Variants in SMARCA4 observed in about 807,000 individuals in gnomAD.
SMARCA4 encodes the protein SWI/SNF-related matrix-associated actin-dependent regulator of chromatin subfamily A member 4.
A neutral mutation model predicts 193.9 loss-of-function variants in SMARCA4; 31 were observed. The ratio of observed to expected loss-of-function variants is 0.16; its 90% CI spans 0.12 to 0.22. The LOEUF is 0.22. SMARCA4 is among the 10% of genes least tolerant of loss of function. The probability of loss-of-function intolerance (pLI) is 1.00; values close to 1 mark genes in which losing one functional copy is unlikely to be tolerated. For synonymous variants in SMARCA4, 942 were observed against 933.1 expected (o/e 1.01, Z -0.17); for missense variants, 1,148 against 2,296.0 (o/e 0.50, Z 10.22).
intron 1 of SMARCA4, among the ~76,000 whole-genome samples, chr19:10,982,430 C>G (rs565467185): frequency 6.6e-6 from 1 of 151,922 alleles, no homozygotes; most frequent in African/African-American, 2.4e-5. Context: ...GCCAAGATCA[C>G]GCCATTGCAC....
intron 8 of SMARCA4, among the ~76,000 whole-genome samples, chr19:10,993,100 C>T (rs540074088): frequency 6.6e-6 from 1 of 151,492 alleles, no homozygotes; most frequent in South Asian, 2.1e-4. Flanking sequence ...ATTCTCCTGC[C>T]TTAGCCACCT....
chr19:11,021,328 AC>A (rs2089848418), intron 18 of SMARCA4: 2 of 361,236 alleles, frequency 5.5e-6, no homozygotes, highest in Non-Finnish European at 1.1e-5. Flanking sequence ...ACCGTCACCA[AC>A]CCAGTTCCCC....
chr19:10,982,720 G>A (rs1476687382), intron 1 of SMARCA4, among the ~76,000 whole-genome samples: 1 of 151,966 alleles, frequency 6.6e-6, no homozygotes, highest in East Asian at 2.0e-4. Flanking sequence ...TACCCAGGAT[G>A]GTCTCGATCT....
In SMARCA4 at chr19:11,033,975, T is replaced by A; in HGVS notation, c.3873+110T>A. On this transcript the variant is annotated intron_variant, in intron 27 of 34. Transcript: ENST00000344626. This position sits in a 1 kb window ranked among gnomAD's most constrained non-coding sequence, Gnocchi z 9.8. ...GCGTGCGTGTGCGTGTGCGTGTGTG[T>A]GCCTTTCGCTGCCGTGTGGGTCCCC... 1 of 752,250 alleles carries A rather than the reference T, an allele frequency of 1.3e-6. No individual in the cohort carries two copies. The highest frequency in any genetic ancestry group is 1.4e-5 in the South Asian group (1 of 72,812). 46.6% of individuals were successfully genotyped at this position (752,250 alleles called of 1,614,324 possible).
chr19:11,034,088 C>A lies in SMARCA4; in HGVS notation c.3874-35C>A. 2 of 1,575,856 alleles carry A rather than the reference C, an allele frequency of 1.3e-6. No individual in the cohort carries two copies. The highest frequency in any genetic ancestry group is 1.7e-6 in the Non-Finnish European group (2 of 1,146,064). On this transcript the variant is annotated intron_variant, in intron 27 of 34. Coordinates refer to ENST00000344626, the MANE Select transcript of SMARCA4 (RefSeq NM_003072.5). The surrounding 1 kb of genome is among the most constrained non-coding windows in gnomAD (Gnocchi z 7.0). ...GCTCGGCCGCCGCCCACCCCGGCCC[C>A]TCCTCAGCGGCACTGACAGTTTGCA... is the stretch of plus-strand genomic sequence containing the variant.
rs202018575 is a variant in SMARCA4, at chr19:11,003,711, A to T, written c.2001+314A>T. Among the ~76,000 whole-genome samples, 1,306 of 135,772 alleles carry T rather than the reference A, an allele frequency of 9.6e-3. 37 individuals are homozygous for T. Among genetic ancestry groups the T allele is most frequent in the Admixed American group, 0.063 (855 of 13,670 alleles). The allele number at this position is 135,772 out of a possible 152,430, so 89.1% of individuals were successfully genotyped here. ...TGGGAATGGTCTGCCTCATTTGCCCATTTTTTTTTTTTTTTTTTGAAACGG... is the reference window on the plus strand; with the variant it reads ...TGGGAATGGTCTGCCTCATTTGCCCTTTTTTTTTTTTTTTTTTTGAAACGG... On this transcript the variant is annotated intron_variant, in intron 13 of 34. Transcript: ENST00000344626.
chr19:11,023,745 C>A, intron 20 of SMARCA4, 114 bp downstream of exon 20: 1 of 734,640 alleles, frequency 1.4e-6, no homozygotes, highest in South Asian at 1.5e-5. Flanking sequence ...CTGGTCAATC[C>A]AGCTTGGGGG....
intron 1 of SMARCA4, chr19:10,983,851 A>G (rs969245820): frequency 3.4e-5 from 18 of 533,406 alleles, no homozygotes; most frequent in South Asian, 4.1e-5. Context: ...GATCAGGAAT[A>G]TGGCAGGAGC....
Position 11,031,834 on chromosome 19 carries a change from C to T in SMARCA4, c.3546+941C>T, listed in dbSNP as rs141156770. Reference sequence around the variant, plus strand: ...TCTGCGCAGCCCTCAGACATGGGGTCGCTCCACCCCAGACATTGTCCTCTT... The same window carrying T: ...TCTGCGCAGCCCTCAGACATGGGGTTGCTCCACCCCAGACATTGTCCTCTT... On this transcript the variant is annotated intron_variant, in intron 25 of 34. Coordinates refer to ENST00000344626, the MANE Select transcript of SMARCA4 (RefSeq NM_003072.5). This position sits in a 1 kb window ranked among gnomAD's most constrained non-coding sequence, Gnocchi z 4.3. 133 of 152,356 alleles carry T rather than the reference C, an allele frequency of 8.7e-4. 1 individual carries two copies. The highest frequency in any genetic ancestry group is 1.6e-3 in the Non-Finnish European group (109 of 68,068). 9.4% of individuals were successfully genotyped at this position (152,356 alleles called of 1,614,324 possible).
At position 10,967,471 on chromosome 19, in the gene SMARCA4, C is replaced by T. The variant is rs547116692; in HGVS notation, c.-32+6297C>T. 1.7e-3 allele frequency among the ~76,000 whole-genome samples: 252 copies of T among 151,414 alleles called. 2 individuals are homozygous for T. The highest frequency in any genetic ancestry group is 5.3e-3 in the African/African-American group (217 of 41,112). The stretch of plus-strand genomic sequence containing the variant: ...GACTACAGGCGCCCGCCACCACGCC[C>T]GGCTAATTTTTTGTATTTTTAGTAG... On this transcript the variant is annotated intron_variant, in intron 1 of 34. Coordinates refer to ENST00000344626, the MANE Select transcript of SMARCA4 (RefSeq NM_003072.5).
intron 11 of SMARCA4, among the ~76,000 whole-genome samples, chr19:11,001,661 A>C (rs964482506): frequency 2.0e-5 from 3 of 152,070 alleles, no homozygotes; most frequent in Non-Finnish European, 4.4e-5. Context: ...GGTTGCTCTT[A>C]TGGTGGCCGC....
At chr19:11,021,147 C>T (rs948826036) in intron 18 of SMARCA4, 4 of 193,390 alleles carry the variant, frequency 2.1e-5, no homozygotes, top group Non-Finnish European at 4.4e-5. Flanking sequence ...GGCTCTGAAA[C>T]CCCGTGCTCC....
chr19:10,991,558 A>G (rs1291854209), intron 8 of SMARCA4, among the ~76,000 whole-genome samples: 2 of 152,274 alleles, frequency 1.3e-5, no homozygotes, highest in Non-Finnish European at 2.9e-5. Flanking sequence ...TAGGGCACAA[A>G]GAAAAATCAA....
chr19:11,061,669 C>A (rs1319769277), intron 34 of SMARCA4, 115 bp from the exon 35 acceptor site: 2 of 1,034,208 alleles, frequency 1.9e-6, no homozygotes, highest in African/African-American at 1.6e-5. Flanking sequence ...AGCCACCGTG[C>A]CCGGCCCACA....
chr19:11,032,262 C>G (rs1600379334), intron 25 of SMARCA4: 1 of 152,506 alleles, frequency 6.6e-6, no homozygotes, highest in Middle Eastern at 3.4e-3. Context: ...CCATGGGTGC[C>G]AGTCTTAAGT....
chr19:10,971,384 C>G (rs1434298590), intron 1 of SMARCA4, among the ~76,000 whole-genome samples: 1 of 152,176 alleles, frequency 6.6e-6, no homozygotes, highest in Non-Finnish European at 1.5e-5. Context: ...ATCTTCATCA[C>G]TGAGGTGTCC....
intron 1 of SMARCA4, among the ~76,000 whole-genome samples, chr19:10,970,819 A>G (rs957565905): frequency 7.2e-5 from 11 of 152,350 alleles, no homozygotes; most frequent in African/African-American, 2.6e-4. Flanking sequence ...ATCTGGTCAC[A>G]GAATTGTTCT....
chr19:10,999,896 C>T (rs2087462956), intron 11 of SMARCA4, among the ~76,000 whole-genome samples: 1 of 152,072 alleles, frequency 6.6e-6, no homozygotes, highest in Admixed American at 6.6e-5. Flanking sequence ...TATAGAGTTC[C>T]TCTACCTCAG....
chr19:11,049,938 A>G (rs1898482772), intron 30 of SMARCA4, among the ~76,000 whole-genome samples: 1 of 152,180 alleles, frequency 6.6e-6, no homozygotes, highest in African/African-American at 2.4e-5. Flanking sequence ...CCCCGTCTCT[A>G]TTAAAATACA....
Sources: allele counts gnomAD v4.1 joint callset (sites outside exome capture counted in the v4.1 genomes callset), GRCh38; gene constraint gnomAD v4.1.1; non-coding constraint Gnocchi (gnomAD v3.1); transcripts MANE v1.5; gene names NCBI Gene and HGNC (gene_info 2026-07-23, HGNC 2026-07-21).